The following FOXN3 variants were observed in gnomAD, a reference collection of about 807,000 sequenced individuals.
The protein encoded by FOXN3 is forkhead box protein N3.
FOXN3 carries 7 observed loss-of-function variants against 38.4 expected under a neutral mutation model. The observed-to-expected ratio is 0.18, with a 90% CI of 0.10 to 0.34. The LOEUF is 0.34. Among genes scored for constraint, FOXN3 ranks in the 10% least tolerant of loss-of-function variants. The probability of loss-of-function intolerance (pLI) is 1.00; values close to 1 mark genes in which losing one functional copy is unlikely to be tolerated. For synonymous variants in FOXN3, 230 were observed against 242.2 expected, an observed-to-expected ratio of 0.95 and a Z score of 0.47; for missense variants, 456 against 613.4, an observed-to-expected ratio of 0.74 and a Z score of 2.71.
At chr14:89,192,450 A>G (rs1887980202) in intron 4 of FOXN3, among the ~76,000 whole-genome samples, 1 of 142,334 alleles carries the variant, frequency 7.0e-6, no homozygotes, top group Non-Finnish European at 1.5e-5. Context: ...TAAATTATAT[A>G]TTATATATAA....
intron 4 of FOXN3, among the ~76,000 whole-genome samples, chr14:89,245,590 T>C (rs1885270110): frequency 6.6e-6 from 1 of 152,176 alleles, no homozygotes; most frequent in African/African-American, 2.4e-5. Flanking sequence ...GCCTCAGGGT[T>C]ATAAACCACT....
chr14:89,420,453 GCTT>G (rs1157772575), upstream of FOXN3, among the ~76,000 whole-genome samples: 2 of 152,180 alleles, frequency 1.3e-5, no homozygotes, highest in Non-Finnish European at 2.9e-5. Flanking sequence ...CTTGACCTGA[GCTT>G]CTCACCTGGG....
At chr14:89,200,322 G>C (rs543962502) in intron 4 of FOXN3, among the ~76,000 whole-genome samples, 2 of 152,272 alleles carry the variant, frequency 1.3e-5, no homozygotes, top group South Asian at 4.1e-4. Flanking sequence ...TTTCTAACTC[G>C]TGTAAATTGC....
chr14:89,292,114 G>A (rs1187116393), intron 3 of FOXN3, among the ~76,000 whole-genome samples: 6 of 152,010 alleles, frequency 3.9e-5, no homozygotes, highest in African/African-American at 1.5e-4. Flanking sequence ...ACCTCCGTTC[G>A]CTGGCTCCAT....
chr14:89,461,830 T>C (rs1256329260), intron 1 of FOXN3, among the ~76,000 whole-genome samples: 1 of 152,004 alleles, frequency 6.6e-6, no homozygotes, highest in Non-Finnish European at 1.5e-5. Flanking sequence ...AAAAGGGTAT[T>C]CCAGAACTTG....
intron 3 of FOXN3, among the ~76,000 whole-genome samples, chr14:89,298,209 C>T (rs1480360796): frequency 6.6e-6 from 1 of 152,028 alleles, no homozygotes; most frequent in African/African-American, 2.4e-5. Flanking sequence ...CTGTATGACT[C>T]CACTTTTATA....
chr14:89,532,369 A>G (rs1894587257), intron 1 of FOXN3, among the ~76,000 whole-genome samples: 1 of 152,232 alleles, frequency 6.6e-6, no homozygotes, highest in African/African-American at 2.4e-5. Flanking sequence ...CCTTAAATAC[A>G]CAAACATAGA....
Position 89,412,938 on chromosome 14 carries a change from G to C in FOXN3, c.-14-448C>G, listed in dbSNP as rs1891580057. 6.7e-6 allele frequency among the ~76,000 whole-genome samples: 1 copy of C among 149,400 alleles called. No homozygotes were observed. Among genetic ancestry groups the C allele is most frequent in the African/African-American group, 2.4e-5 (1 of 41,056 alleles). The stretch of plus-strand genomic sequence containing the variant: ...CAGAATACATGGGAATGTAAGATAA[G>C]CCATTAACTGAAATTAGAGCTGGTG... On this transcript the variant is annotated intron_variant, in intron 1 of 5. Coordinates refer to ENST00000557258, the MANE Select transcript of FOXN3 (RefSeq NM_005197.4). The surrounding 1 kb of genome is among the most constrained non-coding windows in gnomAD (Gnocchi z 4.7).
chr14:89,198,044 G>A (rs1173446592), intron 4 of FOXN3, among the ~76,000 whole-genome samples: 1 of 152,164 alleles, frequency 6.6e-6, no homozygotes, highest in African/African-American at 2.4e-5. Context: ...ATACCCATGG[G>A]TTCTGTACCT....
chr14:89,222,572 A>G (rs1339218410), intron 4 of FOXN3, among the ~76,000 whole-genome samples: 1 of 152,060 alleles, frequency 6.6e-6, no homozygotes, highest in Admixed American at 6.5e-5. Flanking sequence ...AAATGACTAT[A>G]AAAAGGAGCT....
chr14:89,406,015 A>C (rs1431051848), intron 2 of FOXN3, among the ~76,000 whole-genome samples: 2 of 152,082 alleles, frequency 1.3e-5, no homozygotes, highest in Non-Finnish European at 2.9e-5. Flanking sequence ...AAAATATATT[A>C]TTTCTGGAGA....
At chr14:89,364,486 A>G (rs1253132176) in intron 2 of FOXN3, 1 of 152,450 alleles carries the variant, frequency 6.6e-6, no homozygotes, top group Admixed American at 6.6e-5. Context: ...ATCAGCACCA[A>G]CAGGCAGGGA....
At position 89,274,641 on chromosome 14, in the gene FOXN3, G is replaced by A. The variant is rs1029912821; in HGVS notation, c.745+6309C>T. 1.9e-4 allele frequency among the ~76,000 whole-genome samples: 29 copies of A among 152,224 alleles called. 1 individual carries two copies. Among genetic ancestry groups the A allele is most frequent in the Non-Finnish European group, 1.5e-5 (1 of 68,030 alleles). On this transcript the variant is annotated intron_variant, in intron 4 of 5. Coordinates refer to ENST00000557258, the MANE Select transcript of FOXN3 (RefSeq NM_005197.4). Reference sequence around the variant, plus strand: ...GGGAGGGATTCAGCCCCAGTTAACTGTGATGCTAAAGCCCGTGCTCCTTCA... The same window carrying A: ...GGGAGGGATTCAGCCCCAGTTAACTATGATGCTAAAGCCCGTGCTCCTTCA...
At chr14:89,220,540 C>T (rs993470530) in intron 4 of FOXN3, among the ~76,000 whole-genome samples, 21 of 152,300 alleles carry the variant, frequency 1.4e-4, no homozygotes, top group Non-Finnish European at 2.4e-4. Context: ...ACACACACGG[C>T]TCTTTCCATA....
intron 1 of FOXN3, among the ~76,000 whole-genome samples, chr14:89,614,908 G>A (rs1000165250): frequency 6.6e-6 from 1 of 152,184 alleles, no homozygotes; most frequent in Non-Finnish European, 1.5e-5. Flanking sequence ...GCAAATGGAG[G>A]CGGATGCATT....
chr14:89,541,279 C>A (rs1894786650), intron 1 of FOXN3, among the ~76,000 whole-genome samples: 1 of 152,162 alleles, frequency 6.6e-6, no homozygotes, highest in South Asian at 2.1e-4. Context: ...AGGCTGAGAT[C>A]TACTCGGGCT....
chr14:89,205,310 G>C (rs1888352248), intron 4 of FOXN3, among the ~76,000 whole-genome samples: 1 of 152,176 alleles, frequency 6.6e-6, no homozygotes, highest in South Asian at 2.1e-4. Flanking sequence ...GAGGTCATGA[G>C]GGAGGGGCCC....
In FOXN3 at chr14:89,553,996, G is replaced by GT. The variant is rs905481179; in HGVS notation, c.-15+65031dup. Among the ~76,000 whole-genome samples the GT allele has an allele frequency of 5.9e-5, 9 of 151,730 alleles. No individual in the cohort carries two copies. The East Asian group carries it at 7.7e-4, about 13-fold the overall frequency. On this transcript the variant is annotated intron_variant, in intron 1 of 6. Coordinates refer to the FOXN3 transcript ENST00000345097. ...TCCACTAAACGTGACTTTCTTCTTC[G>GT]TTTTTTTTGTTTTGTTTTTTTATTA...
chr14:89,586,927 A>G (rs374723918), intron 1 of FOXN3, among the ~76,000 whole-genome samples: 19 of 152,376 alleles, frequency 1.2e-4, no homozygotes, highest in African/African-American at 4.3e-4. Context: ...GAAGGTCTCT[A>G]TGAAGAGCTC....
Sources: allele counts gnomAD v4.1 joint callset (sites outside exome capture counted in the v4.1 genomes callset), GRCh38; gene constraint gnomAD v4.1.1; non-coding constraint Gnocchi (gnomAD v3.1); transcripts MANE v1.5; gene names NCBI Gene and HGNC (gene_info 2026-07-23, HGNC 2026-07-21).